Variants in ATRNL1 observed in about 807,000 individuals in gnomAD.
The protein encoded by ATRNL1 is attractin like 1.
ATRNL1 carries 95 observed loss-of-function variants against 182.7 expected under a neutral mutation model. The observed-to-expected ratio is 0.52, with a 90% CI of 0.44 to 0.62. The LOEUF (loss-of-function observed/expected upper bound fraction) is 0.62, where lower values mean the gene tolerates loss of function less well. ATRNL1 is among the 20% of genes least tolerant of loss of function. The pLI is 0.00. For synonymous variants in ATRNL1, 576 were observed against 568.3 expected, an observed-to-expected ratio of 1.01 and a Z score of -0.19; for missense variants, 1,471 against 1,679.5, an observed-to-expected ratio of 0.88 and a Z score of 2.17.
At chr10:115,208,481 A>C (rs1383555032) in intron 8 of ATRNL1, among the ~76,000 whole-genome samples, 1 of 152,098 alleles carries the variant, frequency 6.6e-6, no homozygotes, top group Non-Finnish European at 1.5e-5. Context: ...ACACAGTTAA[A>C]TTGCCTTTTA....
intron 28 of ATRNL1, among the ~76,000 whole-genome samples, chr10:115,863,496 A>T (rs553131300): frequency 1.6e-4 from 24 of 152,326 alleles, no homozygotes; most frequent in Admixed American, 5.2e-4. Context: ...TTTTCTGGGT[A>T]ATGAGAGCTA....
intron 19 of ATRNL1, among the ~76,000 whole-genome samples, chr10:115,390,849 T>C (rs1843981686): frequency 6.6e-6 from 1 of 152,184 alleles, no homozygotes; most frequent in Non-Finnish European, 1.5e-5. Context: ...TTTGTGGTTT[T>C]CAGTATTTAG....
At chr10:115,250,712 T>A (rs908739187) in intron 10 of ATRNL1, among the ~76,000 whole-genome samples, 8 of 152,326 alleles carry the variant, frequency 5.3e-5, no homozygotes, top group Admixed American at 4.6e-4. Flanking sequence ...TGTCTGAGAA[T>A]GTTCTTGTCC....
At chr10:115,129,263 T>C in intron 4 of ATRNL1, 64 bp from the exon 5 acceptor site, 1 of 1,229,272 alleles carries the variant, frequency 8.1e-7, no homozygotes, top group Non-Finnish European at 1.2e-6. Flanking sequence ...AAGTTTATGA[T>C]GTATCAACCA....
intron 26 of ATRNL1, among the ~76,000 whole-genome samples, chr10:115,562,583 T>TAG (rs1365565537): frequency 2.0e-5 from 3 of 152,146 alleles, no homozygotes; most frequent in Admixed American, 2.0e-4. Flanking sequence ...AGGGACAAGA[T>TAG]AGAGATAATT....
intron 26 of ATRNL1, among the ~76,000 whole-genome samples, chr10:115,622,274 G>A (rs908566341): frequency 6.6e-6 from 1 of 152,172 alleles, no homozygotes; most frequent in Non-Finnish European, 1.5e-5. Flanking sequence ...AAAAGAACAT[G>A]TAATTTGTTT....
intron 27 of ATRNL1, among the ~76,000 whole-genome samples, chr10:115,823,748 C>T (rs566930901): frequency 4.6e-5 from 7 of 152,202 alleles, no homozygotes; most frequent in African/African-American, 7.2e-5. Flanking sequence ...TCAAGGAGAA[C>T]GACAAACCAC....
chr10:115,778,088 CAG>C (rs1245418876), intron 27 of ATRNL1, among the ~76,000 whole-genome samples: 70 of 152,190 alleles, frequency 4.6e-4, no homozygotes, highest in African/African-American at 1.6e-3. Flanking sequence ...AGAATAAAAA[CAG>C]AACTTTTAGC....
intron 21 of ATRNL1, among the ~76,000 whole-genome samples, chr10:115,460,413 TAAAA>T (rs111842588): frequency 6.7e-6 from 1 of 148,808 alleles, no homozygotes; most frequent in Non-Finnish European, 1.5e-5. Context: ...AGGAAAAAAT[TAAAA>T]AAAAAAATAA....
chr10:115,475,799 A>G (rs1554972995), intron 24 of ATRNL1, among the ~76,000 whole-genome samples: 1 of 151,220 alleles, frequency 6.6e-6, no homozygotes, highest in East Asian at 2.0e-4. Context: ...AGAGCTTTTT[A>G]ATCTTCTTAT....
chr10:115,229,034 T>C (rs1849818205), intron 9 of ATRNL1, among the ~76,000 whole-genome samples: 1 of 152,126 alleles, frequency 6.6e-6, no homozygotes, highest in African/African-American at 2.4e-5. Context: ...CCTGTAGTGC[T>C]GAGATTACAG....
At chr10:115,231,155 T>G (rs1474606829) in intron 9 of ATRNL1, among the ~76,000 whole-genome samples, 7 of 152,062 alleles carry the variant, frequency 4.6e-5, no homozygotes, top group Non-Finnish European at 8.8e-5. Context: ...AATTTTCTGG[T>G]CAAAGAGATG....
intron 28 of ATRNL1, among the ~76,000 whole-genome samples, chr10:115,919,937 C>T (rs2134557183): frequency 6.6e-6 from 1 of 152,208 alleles, no homozygotes; most frequent in East Asian, 1.9e-4. Context: ...CTAATCACCG[C>T]CAAAAGGCAC....
At chr10:115,775,481 C>T (rs1172438288) in intron 27 of ATRNL1, among the ~76,000 whole-genome samples, 1 of 152,072 alleles carries the variant, frequency 6.6e-6, no homozygotes, top group African/African-American at 2.4e-5. Context: ...TTAAACCTTC[C>T]AGTTATTACC....
intron 21 of ATRNL1, among the ~76,000 whole-genome samples, chr10:115,441,696 T>C (rs1420890651): frequency 6.6e-6 from 1 of 152,010 alleles, no homozygotes; most frequent in Non-Finnish European, 1.5e-5. Context: ...TTCAGTATTT[T>C]CAAAACAGAA....
At chr10:115,280,563 G>A (rs1354906654) in intron 13 of ATRNL1, among the ~76,000 whole-genome samples, 3 of 152,096 alleles carry the variant, frequency 2.0e-5, no homozygotes, top group African/African-American at 7.2e-5. Flanking sequence ...CTGAGACTGG[G>A]AAGGGTCCTC....
intron 8 of ATRNL1, among the ~76,000 whole-genome samples, chr10:115,193,014 A>G (rs951553112): frequency 3.6e-4 from 55 of 152,026 alleles, no homozygotes; most frequent in African/African-American, 1.3e-3. Context: ...ATCTATAAAC[A>G]AGGAAAAACT....
At chr10:115,461,097 A>G (rs1847773830) in intron 21 of ATRNL1, among the ~76,000 whole-genome samples, 1 of 152,162 alleles carries the variant, frequency 6.6e-6, no homozygotes. Context: ...CAGTTAATGT[A>G]ATTTAATCTG....
chr10:115,475,758 A>T lies in ATRNL1; in HGVS notation c.3654+6429A>T, dbSNP rs1279371238. 2.0e-5 allele frequency among the ~76,000 whole-genome samples: 3 copies of T among 151,294 alleles called. No individual in the cohort carries two copies. The Admixed American group carries it at 2.0e-4, about 10-fold the overall frequency. ...GATGATCATCATTTTCTTTTTCTTC[A>T]TCATCACCGTCAACGTCATTGGTAT... On this transcript the variant is annotated intron_variant, in intron 24 of 28. Transcript: ENST00000355044.
Sources: gnomAD v4.1 joint callset for allele counts (sites outside exome capture counted in the v4.1 genomes callset) on GRCh38, gnomAD v4.1.1 for gene constraint, MANE v1.5 for transcripts, NCBI Gene and HGNC (gene_info 2026-07-23, HGNC 2026-07-21) for gene names.